Variants in GTF2F2 observed in about 807,000 individuals in gnomAD.
GTF2F2 encodes general transcription factor IIF subunit 2.
GTF2F2 carries 23 observed loss-of-function variants against 42.2 expected under a neutral mutation model. The ratio of observed to expected loss-of-function variants is 0.55; its 90% CI spans 0.39 to 0.77. The LOEUF (loss-of-function observed/expected upper bound fraction) is 0.77, where lower values mean the gene tolerates loss of function less well. Among genes scored for constraint, GTF2F2 ranks in the 30% least tolerant of loss-of-function variants. GTF2F2 has a pLI of 0.00. For synonymous variants in GTF2F2, 105 were observed against 100.8 expected (o/e 1.04, Z -0.25); for missense variants, 261 against 287.2 (o/e 0.91, Z 0.66).
chr13:45,273,655 A>ATTTTTTTTTTTTTTTTTTT (rs773254844), intron 7 of GTF2F2, among the ~76,000 whole-genome samples: 42 of 123,866 alleles, frequency 3.4e-4, no homozygotes, highest in African/African-American at 5.6e-4. Context: ...GAGTGGTAAA[A>ATTTTTTTTTTTTTTTTTTT]TTTTTTTTTT....
chr13:45,198,350 T>C (rs1873005415), intron 4 of GTF2F2, among the ~76,000 whole-genome samples: 1 of 152,226 alleles, frequency 6.6e-6, no homozygotes, highest in East Asian at 1.9e-4. Flanking sequence ...GATACTCCCA[T>C]GCCATGGAAG....
At chr13:45,162,483 A>C (rs1871086327) in intron 4 of GTF2F2, among the ~76,000 whole-genome samples, 1 of 152,232 alleles carries the variant, frequency 6.6e-6, no homozygotes, top group Non-Finnish European at 1.5e-5. Flanking sequence ...TATTTCCTGA[A>C]CTGCCACCAA....
rs1439282929 is a variant in GTF2F2 at position 45,194,115 on chromosome 13, A to C, written c.305-13309A>C. ...TACAGAAGATTCTTAATCCTTGTGAACGATCGTGGTTATCTGTTATTTCCA... is the reference window on the plus strand; with the variant it reads ...TACAGAAGATTCTTAATCCTTGTGACCGATCGTGGTTATCTGTTATTTCCA... On this transcript the variant is annotated intron_variant, in intron 4 of 7. Transcript: ENST00000340473. 2.5e-6 allele frequency: 4 copies of C among 1,614,004 alleles called. No homozygotes were observed. The East Asian group carries it at 8.9e-5, about 36-fold the overall frequency.
chr13:45,123,816 A>C (rs1041190227), intron 1 of GTF2F2, among the ~76,000 whole-genome samples: 1 of 131,668 alleles, frequency 7.6e-6, no homozygotes, highest in Non-Finnish European at 1.6e-5. Flanking sequence ...TTTTTGGCTG[A>C]GCACAGGGGA....
chr13:45,182,322 T>G (rs1415959171), intron 4 of GTF2F2, among the ~76,000 whole-genome samples: 2 of 152,010 alleles, frequency 1.3e-5, no homozygotes, highest in South Asian at 4.1e-4. Context: ...GGCTAACTTT[T>G]GTTACCTCAG....
chr13:45,159,630 G>T (rs960243556), intron 4 of GTF2F2, among the ~76,000 whole-genome samples: 1 of 152,154 alleles, frequency 6.6e-6, no homozygotes, highest in Non-Finnish European at 1.5e-5. Context: ...GCGCCACCAC[G>T]CCGGGCTAAT....
At chr13:45,127,521 G>T (rs573996373) in intron 1 of GTF2F2, among the ~76,000 whole-genome samples, 133 of 150,172 alleles carry the variant, frequency 8.9e-4, no homozygotes, top group African/African-American at 3.0e-3. Flanking sequence ...TAGAGACAGG[G>T]TTTCACCATG....
intron 5 of GTF2F2, among the ~76,000 whole-genome samples, chr13:45,220,384 G>A (rs1874058596): frequency 6.6e-6 from 1 of 152,094 alleles, no homozygotes; most frequent in East Asian, 1.9e-4. Flanking sequence ...TTGGAAAATT[G>A]ATCATACTAA....
intron 2 of GTF2F2, among the ~76,000 whole-genome samples, chr13:45,140,692 C>T (rs1336775555): frequency 6.6e-6 from 1 of 151,268 alleles, no homozygotes; most frequent in Admixed American, 6.6e-5. Context: ...TTTTTTTTCC[C>T]TCAATGTGAA....
At chr13:45,265,207 C>T (rs948629733) in intron 6 of GTF2F2, among the ~76,000 whole-genome samples, 3 of 150,874 alleles carry the variant, frequency 2.0e-5, no homozygotes, top group Non-Finnish European at 2.9e-5. Context: ...TGTGGTGAGC[C>T]GAGATTGCAC....
At chr13:45,194,577 A>G (rs2138173923) in intron 4 of GTF2F2, 2 of 1,603,694 alleles carry the variant, frequency 1.2e-6, no homozygotes, top group Non-Finnish European at 1.7e-6. Flanking sequence ...TTTTTTGAAG[A>G]TGCTATTTCA....
chr13:45,261,008 C>G (rs1243965099), intron 6 of GTF2F2, among the ~76,000 whole-genome samples: 3 of 152,178 alleles, frequency 2.0e-5, no homozygotes, highest in Non-Finnish European at 4.4e-5. Flanking sequence ...CGCCTGTAAT[C>G]TCAGCTATTC....
intron 7 of GTF2F2, among the ~76,000 whole-genome samples, chr13:45,283,097 A>G (rs1482111444): frequency 7.9e-5 from 12 of 152,102 alleles, no homozygotes; most frequent in Admixed American, 7.9e-4. Flanking sequence ...AGGGCAGATT[A>G]CCCTTGGTGT....
chr13:45,264,241 AC>A (rs1876469285), intron 6 of GTF2F2, among the ~76,000 whole-genome samples: 1 of 150,854 alleles, frequency 6.6e-6, no homozygotes, highest in South Asian at 2.1e-4. Context: ...AAGCATGTAA[AC>A]CAAGATTTTT....
At chr13:45,148,549 C>T (rs1336556842) in intron 2 of GTF2F2, among the ~76,000 whole-genome samples, 4 of 152,072 alleles carry the variant, frequency 2.6e-5, no homozygotes, top group African/African-American at 4.8e-5. Context: ...CTCAGAGTTC[C>T]GTCTTTGTTG....
chr13:45,125,381 G>A (rs1413033686), intron 1 of GTF2F2, among the ~76,000 whole-genome samples: 3 of 151,894 alleles, frequency 2.0e-5, no homozygotes, highest in Admixed American at 6.6e-5. Flanking sequence ...GTGCAGTGGC[G>A]CAATCTTGGC....
intron 1 of GTF2F2, among the ~76,000 whole-genome samples, chr13:45,128,211 C>T (rs1268071091): frequency 2.7e-5 from 4 of 147,898 alleles, no homozygotes; most frequent in African/African-American, 9.8e-5. Context: ...CCGCCTGCCT[C>T]AGCCTTCCAA....
At chr13:45,151,309 T>TA (rs1235010536) in intron 3 of GTF2F2, among the ~76,000 whole-genome samples, 2 of 152,220 alleles carry the variant, frequency 1.3e-5, no homozygotes, top group Non-Finnish European at 2.9e-5. Context: ...GTGATTCTGT[T>TA]ATTTTTTTAT....
chr13:45,250,004 A>G (rs1375259048), intron 5 of GTF2F2, among the ~76,000 whole-genome samples: 1 of 150,764 alleles, frequency 6.6e-6, no homozygotes, highest in Non-Finnish European at 1.5e-5. Context: ...GCTTTGACAT[A>G]ACTTTCCTTG....
Sources: gnomAD v4.1 joint callset for allele counts (sites outside exome capture counted in the v4.1 genomes callset) on GRCh38, gnomAD v4.1.1 for gene constraint, MANE v1.5 for transcripts, NCBI Gene and HGNC (gene_info 2026-07-23, HGNC 2026-07-21) for gene names.